Variants in NEO1 observed in about 807,000 individuals in gnomAD.
NEO1 encodes neogenin 1.
Under a neutral mutation model 159.7 loss-of-function variants are expected in NEO1, and 63 were observed. The ratio of observed to expected loss-of-function variants is 0.39; its 90% confidence interval spans 0.32 to 0.49. NEO1 has a LOEUF of 0.49. Ranked by LOEUF, NEO1 falls within the 20% of genes least tolerant of loss-of-function variation. NEO1 has a pLI of 0.85. For missense variants in NEO1, 1,615 were observed against 1,831.0 expected (o/e 0.88, Z 2.15); for synonymous variants, 633 against 662.0 (o/e 0.96, Z 0.67).
At chr15:73,296,037 CCCCCGGAGTTGTGCAAGGCAG>C (rs764686820) in intron 26 of NEO1, among the ~76,000 whole-genome samples, 9 of 152,296 alleles carry the variant, frequency 5.9e-5, no homozygotes, top group African/African-American at 2.2e-4. Flanking sequence ...GTGCCTGGGG[CCCCCGGAGTTGTGCAAGGCAG>C]CCCTGGTCTG....
chr15:73,191,943 T>C (rs1040443861), intron 7 of NEO1, among the ~76,000 whole-genome samples: 2 of 152,022 alleles, frequency 1.3e-5, no homozygotes, highest in Non-Finnish European at 2.9e-5. Context: ...TTGAGCAAAA[T>C]TCTATATGGC....
chr15:73,218,409 C>A (rs1390435250), intron 7 of NEO1, among the ~76,000 whole-genome samples: 13 of 151,852 alleles, frequency 8.6e-5, no homozygotes, highest in African/African-American at 2.7e-4. Flanking sequence ...TGTCTCTGCC[C>A]AGCTTTGGTA....
intron 13 of NEO1, among the ~76,000 whole-genome samples, chr15:73,257,658 G>A (rs1401848874): frequency 1.3e-5 from 2 of 152,150 alleles, no homozygotes; most frequent in Admixed American, 1.3e-4. Flanking sequence ...GATATGTATT[G>A]TATACCTTAG....
At chr15:73,152,636 T>G (rs1032257119) in intron 5 of NEO1, among the ~76,000 whole-genome samples, 2 of 152,260 alleles carry the variant, frequency 1.3e-5, no homozygotes, top group South Asian at 4.1e-4. Context: ...TGAAACACAT[T>G]GGTCAGAGGT....
intron 7 of NEO1, among the ~76,000 whole-genome samples, chr15:73,189,136 T>C (rs1256797023): frequency 6.6e-6 from 1 of 152,164 alleles, no homozygotes; most frequent in Non-Finnish European, 1.5e-5. Context: ...TAGGCAAAAA[T>C]GACATCTTAC....
At chr15:73,126,841 T>A (rs949465497) in intron 4 of NEO1, among the ~76,000 whole-genome samples, 3 of 152,120 alleles carry the variant, frequency 2.0e-5, no homozygotes, top group African/African-American at 7.2e-5. Flanking sequence ...TTTTCTTCCC[T>A]AAATTGTTGC....
Position 73,283,119 on chromosome 15 carries a change from GC to G in NEO1, c.3410+12del. The stretch of plus-strand genomic sequence containing the variant: ...CACCTCTCACCAGAAAAAGTAAGAA[GC>G]CCCAGATGCACCCCTTAGATTTTTG... On this transcript the variant is annotated intron_variant, in intron 23 of 28. Transcript: ENST00000261908. The G allele has an allele frequency of 1.2e-6, 2 of 1,613,916 alleles. No individual in the cohort carries two copies. Among genetic ancestry groups the G allele is most frequent in the South Asian group, 2.2e-5 (2 of 91,052 alleles).
At chr15:73,113,455 A>G (rs1312497693) in intron 1 of NEO1, among the ~76,000 whole-genome samples, 1 of 152,170 alleles carries the variant, frequency 6.6e-6, no homozygotes, top group African/African-American at 2.4e-5. Flanking sequence ...GCATTTCCCA[A>G]ACTATACCCT....
At chr15:73,291,234 T>C (rs1395846190) in intron 25 of NEO1, among the ~76,000 whole-genome samples, 1 of 152,242 alleles carries the variant, frequency 6.6e-6, no homozygotes, top group Non-Finnish European at 1.5e-5. Flanking sequence ...TTTGTTTGTT[T>C]TGTATAAGAC....
At chr15:73,100,872 A>G (rs1460618287) in intron 1 of NEO1, among the ~76,000 whole-genome samples, 1 of 151,968 alleles carries the variant, frequency 6.6e-6, no homozygotes, top group Non-Finnish European at 1.5e-5. Context: ...GTTTTCCACT[A>G]CCTGCAAATT....
chr15:73,289,793 A>G (rs1464721252), intron 25 of NEO1, among the ~76,000 whole-genome samples: 1 of 152,102 alleles, frequency 6.6e-6, no homozygotes, highest in Non-Finnish European at 1.5e-5. Flanking sequence ...AAAAAATAAA[A>G]TTAAAAATTA....
intron 21 of NEO1, among the ~76,000 whole-genome samples, chr15:73,275,571 T>G (rs974347108): frequency 4.0e-5 from 6 of 151,894 alleles, no homozygotes; most frequent in Non-Finnish European, 7.4e-5. Flanking sequence ...GGGAGGATGG[T>G]TTGAGCCTGG....
At chr15:73,193,647 T>C (rs1420399380) in intron 7 of NEO1, among the ~76,000 whole-genome samples, 10 of 149,188 alleles carry the variant, frequency 6.7e-5, no homozygotes, top group African/African-American at 9.9e-5. Context: ...AAAAAGTGTC[T>C]CCTTTCACTT....
At chr15:73,157,001 G>A (rs1311273429) in intron 5 of NEO1, among the ~76,000 whole-genome samples, 1 of 152,214 alleles carries the variant, frequency 6.6e-6, no homozygotes, top group Non-Finnish European at 1.5e-5. Flanking sequence ...TGTGGCTTGT[G>A]TAAGTAGGAC....
chr15:73,284,705 G>C (rs1328416042), intron 23 of NEO1, among the ~76,000 whole-genome samples: 4 of 150,498 alleles, frequency 2.7e-5, no homozygotes, highest in African/African-American at 9.8e-5. Context: ...CCTGCCTCAG[G>C]CTCCCAAGTA....
intron 1 of NEO1, among the ~76,000 whole-genome samples, chr15:73,104,145 A>G (rs1037375871): frequency 7.2e-5 from 11 of 152,300 alleles, no homozygotes; most frequent in African/African-American, 2.6e-4. Context: ...TACAGGTGTG[A>G]GCCACTGCGA....
chr15:73,265,820 G>A (rs1776777645), intron 15 of NEO1, among the ~76,000 whole-genome samples: 1 of 152,208 alleles, frequency 6.6e-6, no homozygotes, highest in Admixed American at 6.5e-5. Flanking sequence ...TGATGGCTAG[G>A]TGAGGTTTGG....
intron 5 of NEO1, among the ~76,000 whole-genome samples, chr15:73,138,789 A>T (rs2032082098): frequency 6.6e-6 from 1 of 151,950 alleles, no homozygotes; most frequent in Non-Finnish European, 1.5e-5. Context: ...ACAAAAAAAC[A>T]AAGGGGGAGT....
At chr15:73,233,263 C>T (rs1323050342) in intron 7 of NEO1, among the ~76,000 whole-genome samples, 2 of 152,082 alleles carry the variant, frequency 1.3e-5, no homozygotes, top group African/African-American at 4.8e-5. Context: ...TGGATTTTTC[C>T]CATGGTTAAT....
Sources: gnomAD v4.1 joint callset for allele counts (sites outside exome capture counted in the v4.1 genomes callset) on GRCh38, gnomAD v4.1.1 for gene constraint, MANE v1.5 for transcripts, NCBI Gene and HGNC (gene_info 2026-07-23, HGNC 2026-07-21) for gene names.